The following GRIK4 variants were observed in gnomAD, a reference collection of about 807,000 sequenced individuals.
GRIK4 encodes the protein glutamate ionotropic receptor kainate type subunit 4, also known as glutamate receptor ionotropic, kainate 4.
In GRIK4, 40 loss-of-function variants were observed where a neutral mutation model predicts 104.9. That is an observed-to-expected ratio of 0.38 (90% CI 0.30 to 0.50). GRIK4 has a LOEUF of 0.50. GRIK4 is among the 20% of genes least tolerant of loss of function. The pLI is 0.93. For synonymous variants in GRIK4, 485 were observed against 524.9 expected (o/e 0.92, Z 1.04); for missense variants, 1,047 against 1,308.1 (o/e 0.80, Z 3.08).
At chr11:120,780,738 TG>T (rs796104507) in intron 3 of GRIK4, among the ~76,000 whole-genome samples, 16 of 152,224 alleles carry the variant, frequency 1.1e-4, no homozygotes, top group African/African-American at 3.6e-4. Context: ...GTTTGTTTGT[TG>T]TTTTTTTTGT....
intron 6 of GRIK4, among the ~76,000 whole-genome samples, chr11:120,827,151 G>A (rs1953288374): frequency 6.6e-6 from 1 of 152,166 alleles, no homozygotes; most frequent in African/African-American, 2.4e-5. Context: ...TGAAAGAGGT[G>A]TTTATTTTTA....
At chr11:120,918,449 G>A (rs1416109696) in intron 13 of GRIK4, among the ~76,000 whole-genome samples, 1 of 152,154 alleles carries the variant, frequency 6.6e-6, no homozygotes, top group Non-Finnish European at 1.5e-5. Context: ...TACTTTCATA[G>A]AGTTCACATC....
chr11:120,862,402 C>T (rs574008151), intron 9 of GRIK4: 114 of 305,720 alleles, frequency 3.7e-4, no homozygotes, highest in Admixed American at 1.1e-3. Context: ...ATACAATTGC[C>T]GAGAGCTGCC....
At position 120,524,809 on chromosome 11, in the gene GRIK4, T is replaced by A. The variant is rs1294688081; in HGVS notation, c.-159+12922T>A. ...GGCATTTATCATCACGCGGAGCTAG[T>A]TACGTGGCAGGGCACTGGGCAGGTC... On this transcript the variant is annotated intron_variant, in intron 1 of 20. Transcript: ENST00000527524. The surrounding 1 kb of genome is among the most constrained non-coding windows in gnomAD (Gnocchi z 4.5). Among the ~76,000 whole-genome samples, 5 of 152,106 alleles carry A rather than the reference T, an allele frequency of 3.3e-5. No homozygotes were observed. Among genetic ancestry groups the A allele is most frequent in the African/African-American group, 1.2e-4 (5 of 41,404 alleles).
chr11:120,928,877 T>G (rs1451689939), intron 13 of GRIK4, among the ~76,000 whole-genome samples: 1 of 152,212 alleles, frequency 6.6e-6, no homozygotes, highest in Non-Finnish European at 1.5e-5. Context: ...GGCCTCTGCC[T>G]CTTCAATCAT....
chr11:120,890,084 C>T (rs1177777299), intron 11 of GRIK4, among the ~76,000 whole-genome samples: 3 of 152,044 alleles, frequency 2.0e-5, no homozygotes, highest in Admixed American at 1.3e-4. Context: ...GACTTCTGGC[C>T]GGCTGCATTC....
intron 3 of GRIK4, among the ~76,000 whole-genome samples, chr11:120,686,250 G>T (rs1950275500): frequency 1.3e-5 from 2 of 152,066 alleles, no homozygotes; most frequent in Admixed American, 1.3e-4. Context: ...CTCATACCCT[G>T]CCCTCTGCTT....
At chr11:120,966,538 ATTC>A (rs1944387068) in intron 18 of GRIK4, among the ~76,000 whole-genome samples, 1 of 152,074 alleles carries the variant, frequency 6.6e-6, no homozygotes, top group Admixed American at 6.5e-5. Context: ...CACCCAGCTA[ATTC>A]TTGTATTTTT....
intron 20 of GRIK4, among the ~76,000 whole-genome samples, chr11:120,984,945 C>T (rs1944715751): frequency 6.6e-6 from 1 of 151,234 alleles, no homozygotes; most frequent in Non-Finnish European, 1.5e-5. Context: ...TTTCCCCACT[C>T]AGCCTCCCGA....
Position 120,831,923 on chromosome 11 carries a change from G to C in GRIK4, c.583G>C (p.Asp195His). Residue 195 changes from aspartate to histidine, a missense_variant, in exon 7 of 21, where the codon GAT (aspartate) becomes CAT (histidine). Physicochemically the swap from Asp to His is moderately conservative, Grantham distance 81 (BLOSUM62 -1). This residue lies in a region of GRIK4 where 447 missense variants were observed against 514.9 expected (regional missense o/e 0.87). Transcript: ENST00000527524. ...GGACACGCTGTCCGTCCGCATGCTG[G>C]ATGACACCCGGGACCCCACCCCGCT... ...SKDTLSVRML[D>H]DTRDPTPLLK... 6.2e-7 allele frequency: 1 copy of C among 1,613,946 alleles called. No individual in the cohort carries two copies. The highest frequency in any genetic ancestry group is 1.7e-4 in the Middle Eastern group (1 of 6,054).
chr11:120,679,131 G>C (rs1251362008), intron 3 of GRIK4, among the ~76,000 whole-genome samples: 1 of 152,054 alleles, frequency 6.6e-6, no homozygotes, highest in Non-Finnish European at 1.5e-5. Context: ...TATGTGCCAG[G>C]CAGTATGGTA....
intron 1 of GRIK4, among the ~76,000 whole-genome samples, chr11:120,637,283 G>A (rs1949410441): frequency 6.6e-6 from 1 of 152,106 alleles, no homozygotes; most frequent in African/African-American, 2.4e-5. Context: ...ACCAGCAAGC[G>A]ACACAGTGGA....
chr11:120,552,199 C>T (rs147918817), intron 1 of GRIK4, among the ~76,000 whole-genome samples: 109 of 152,318 alleles, frequency 7.2e-4, no homozygotes, highest in Admixed American at 4.6e-3. Flanking sequence ...ACTGAGCCCT[C>T]ACCCAGTGGG....
At chr11:120,531,439 T>C (rs1370355552) in intron 1 of GRIK4, among the ~76,000 whole-genome samples, 1 of 152,230 alleles carries the variant, frequency 6.6e-6, no homozygotes, top group East Asian at 1.9e-4. Flanking sequence ...TCTGTACATG[T>C]GCTCTCCAGT....
At chr11:120,894,880 A>G (rs1420324129) in intron 11 of GRIK4, 1 of 151,020 alleles carries the variant, frequency 6.6e-6, no homozygotes, top group Admixed American at 6.7e-5. Flanking sequence ...CTGGCTCTGA[A>G]TCTCCCTTTC....
At chr11:120,512,934 G>A (rs999410749) in intron 1 of GRIK4, among the ~76,000 whole-genome samples, 1 of 152,196 alleles carries the variant, frequency 6.6e-6, no homozygotes, top group Non-Finnish European at 1.5e-5. Context: ...CAGTGGTGGG[G>A]CAATGCGGGC....
intron 1 of GRIK4, among the ~76,000 whole-genome samples, chr11:120,550,181 G>T (rs1948125236): frequency 2.0e-5 from 3 of 152,072 alleles, no homozygotes; most frequent in Admixed American, 6.5e-5. Flanking sequence ...ACACCCAGGG[G>T]TGGTGGCAGA....
chr11:120,776,662 C>T (rs914567098), intron 3 of GRIK4, among the ~76,000 whole-genome samples: 7 of 152,164 alleles, frequency 4.6e-5, no homozygotes, highest in African/African-American at 1.7e-4. Flanking sequence ...GTGTTTCTGG[C>T]GCAGGGTCAC....
intron 1 of GRIK4, among the ~76,000 whole-genome samples, chr11:120,517,973 A>G (rs1947751272): frequency 6.6e-6 from 1 of 152,186 alleles, no homozygotes; most frequent in South Asian, 2.1e-4. Context: ...GAAAAAGAAA[A>G]GTTTAAGAAG....
Sources: allele counts gnomAD v4.1 joint callset (sites outside exome capture counted in the v4.1 genomes callset), GRCh38; gene constraint gnomAD v4.1.1; regional missense constraint gnomAD v4.1.1; non-coding constraint Gnocchi (gnomAD v3.1); transcripts MANE v1.5; gene names NCBI Gene and HGNC (gene_info 2026-07-23, HGNC 2026-07-21).